The following ARHGAP42 variants were observed in gnomAD, a reference collection of about 807,000 sequenced individuals.
The protein encoded by ARHGAP42 is rho GTPase-activating protein 42.
A neutral mutation model predicts 125.0 loss-of-function variants in ARHGAP42; 63 were observed. The ratio of observed to expected loss-of-function variants is 0.50; its 90% CI spans 0.41 to 0.62. ARHGAP42 has a LOEUF of 0.62. Among genes scored for constraint, ARHGAP42 ranks in the 20% least tolerant of loss-of-function variants. The pLI, the probability that ARHGAP42 is intolerant of heterozygous loss-of-function variation, is 0.00. For missense variants in ARHGAP42, 766 were observed against 1,024.2 expected, an observed-to-expected ratio of 0.75 and a Z score of 3.44; for synonymous variants, 339 against 351.0, an observed-to-expected ratio of 0.97 and a Z score of 0.38.
chr11:100,963,408 A>G (rs1029442108), intron 16 of ARHGAP42, among the ~76,000 whole-genome samples: 6 of 152,222 alleles, frequency 3.9e-5, no homozygotes, highest in Admixed American at 1.3e-4. Context: ...CCATCACAAC[A>G]ACCTGTAACA....
rs1240048303 is a variant in ARHGAP42 at position 100,856,180 on chromosome 11, A to G, written c.313-3374A>G. On this transcript the variant is annotated intron_variant, in intron 3 of 23. Transcript: ENST00000298815. ...GATGAAAGAGTTCCATATGAGCAAA[A>G]ATTGCATTTCTCTACATTTATTTTT... is the stretch of plus-strand genomic sequence containing the variant. Among the ~76,000 whole-genome samples, 4 of 152,122 alleles carry G rather than the reference A, an allele frequency of 2.6e-5. 1 individual carries two copies. The highest frequency in any genetic ancestry group is 6.8e-3 in the Middle Eastern group (2 of 294).
chr11:100,816,319 T>C (rs1483965642), intron 3 of ARHGAP42, among the ~76,000 whole-genome samples: 1 of 151,984 alleles, frequency 6.6e-6, no homozygotes, highest in Non-Finnish European at 1.5e-5. Flanking sequence ...ACTTGTTTTT[T>C]TGTTTTTTTT....
At chr11:100,941,292 C>A (rs1207992169) in intron 8 of ARHGAP42, among the ~76,000 whole-genome samples, 1 of 152,122 alleles carries the variant, frequency 6.6e-6, no homozygotes, top group East Asian at 1.9e-4. Flanking sequence ...TCACTTGGAA[C>A]CTTGTGGATA....
At chr11:100,782,556 G>C (rs1001275077) in intron 2 of ARHGAP42, among the ~76,000 whole-genome samples, 4 of 152,128 alleles carry the variant, frequency 2.6e-5, no homozygotes, top group African/African-American at 4.8e-5. Context: ...GGATGAAAAG[G>C]AAGCAGAGTA....
chr11:100,875,430 G>A (rs1161427017), intron 4 of ARHGAP42, among the ~76,000 whole-genome samples: 3 of 152,020 alleles, frequency 2.0e-5, no homozygotes, highest in African/African-American at 7.2e-5. Context: ...TTCTGGCTTC[G>A]GAGCCATCCC....
chr11:100,974,634 T>A (rs1039978470), intron 19 of ARHGAP42, 31 bp downstream of exon 19: 2 of 1,526,958 alleles, frequency 1.3e-6, no homozygotes, highest in African/African-American at 2.8e-5. Flanking sequence ...GGAGATGCTT[T>A]CTTCATTCTT....
At chr11:100,757,049 C>T (rs940966229) in intron 1 of ARHGAP42, among the ~76,000 whole-genome samples, 7 of 151,932 alleles carry the variant, frequency 4.6e-5, no homozygotes, top group Non-Finnish European at 1.0e-4. Context: ...ATAATCATTC[C>T]ATGTAAATAT....
At chr11:100,729,993 T>G (rs536345761) in intron 1 of ARHGAP42, among the ~76,000 whole-genome samples, 3 of 152,114 alleles carry the variant, frequency 2.0e-5, no homozygotes, top group Admixed American at 2.0e-4. Context: ...GTATTTTTAG[T>G]AGAGACGAGG....
chr11:100,983,754 G>A (rs1858602732), intron 22 of ARHGAP42, among the ~76,000 whole-genome samples: 1 of 152,146 alleles, frequency 6.6e-6, no homozygotes, highest in Non-Finnish European at 1.5e-5. Flanking sequence ...TTAGCATTGA[G>A]GCATTCAGTA....
chr11:100,794,125 G>A (rs951727574), intron 2 of ARHGAP42, among the ~76,000 whole-genome samples: 2 of 131,984 alleles, frequency 1.5e-5, no homozygotes, highest in Non-Finnish European at 3.2e-5. Context: ...CATAGAAGAG[G>A]TTTATTTGTG....
chr11:100,860,753 G>A (rs1055554862), intron 4 of ARHGAP42, among the ~76,000 whole-genome samples: 15 of 152,086 alleles, frequency 9.9e-5, no homozygotes, highest in Admixed American at 2.6e-4. Flanking sequence ...GGATTGAATA[G>A]CCTTTACACA....
At chr11:100,960,051 G>A in intron 13 of ARHGAP42, 106 bp downstream of exon 13, 1 of 919,486 alleles carries the variant, frequency 1.1e-6, no homozygotes, top group African/African-American at 1.7e-5. Context: ...TCATTAACAT[G>A]GATTAATTTT....
At chr11:100,779,464 AAAAAT>A (rs1421676511) in intron 2 of ARHGAP42, among the ~76,000 whole-genome samples, 31 of 84,364 alleles carry the variant, frequency 3.7e-4, no homozygotes, top group African/African-American at 1.1e-3. Context: ...AAAAAAAAAA[AAAAAT>A]ATATATATAT....
chr11:100,837,293 T>TA (rs1181579702), intron 3 of ARHGAP42, among the ~76,000 whole-genome samples: 16 of 152,172 alleles, frequency 1.1e-4, no homozygotes, highest in African/African-American at 3.6e-4. Context: ...AGACTACTGT[T>TA]ACCACAGAAT....
chr11:100,807,146 C>A (rs917574176), intron 3 of ARHGAP42, among the ~76,000 whole-genome samples: 2 of 151,564 alleles, frequency 1.3e-5, no homozygotes, highest in Admixed American at 1.3e-4. Flanking sequence ...CCATTCCTGG[C>A]CCCTCATTTG....
intron 4 of ARHGAP42, among the ~76,000 whole-genome samples, chr11:100,909,186 T>A (rs1866837753): frequency 6.6e-6 from 1 of 152,152 alleles, no homozygotes; most frequent in African/African-American, 2.4e-5. Flanking sequence ...GTAGGTAGTC[T>A]TTTTACTTGT....
chr11:100,880,943 T>TG (rs34430118), intron 4 of ARHGAP42, among the ~76,000 whole-genome samples: 77,178 of 151,726 alleles, frequency 0.51, 19,748 homozygotes, highest in East Asian at 0.53. Flanking sequence ...TTGATAGGAT[T>TG]TTTTTTTTCT....
chr11:100,695,367 G>A (rs980740992), intron 1 of ARHGAP42, among the ~76,000 whole-genome samples: 1 of 152,098 alleles, frequency 6.6e-6, no homozygotes, highest in Non-Finnish European at 1.5e-5. Context: ...GCAATCGCAC[G>A]ATCTCAGCTC....
At chr11:100,769,346 G>C (rs1591165827) in intron 1 of ARHGAP42, among the ~76,000 whole-genome samples, 1 of 152,132 alleles carries the variant, frequency 6.6e-6, no homozygotes, top group Non-Finnish European at 1.5e-5. Context: ...CCTGGCTCCA[G>C]AGTCTGCATT....
Sources: gnomAD v4.1 joint callset for allele counts (sites outside exome capture counted in the v4.1 genomes callset) on GRCh38, gnomAD v4.1.1 for gene constraint, MANE v1.5 for transcripts, NCBI Gene and HGNC (gene_info 2026-07-23, HGNC 2026-07-21) for gene names.